Variants in TENM4 observed in about 807,000 individuals in gnomAD.
TENM4 encodes the protein teneurin-4.
Under a neutral mutation model 243.3 loss-of-function variants are expected in TENM4, and 82 were observed. That is an observed-to-expected ratio of 0.34 (90% CI 0.28 to 0.40). The LOEUF (loss-of-function observed/expected upper bound fraction) is 0.40, where lower values mean the gene tolerates loss of function less well. Ranked by LOEUF, TENM4 falls within the 10% of genes least tolerant of loss-of-function variation. The pLI, the probability that TENM4 is intolerant of heterozygous loss-of-function variation, is 1.00. For missense variants in TENM4, 3,138 were observed against 3,673.3 expected, an observed-to-expected ratio of 0.85 and a Z score of 3.77; for synonymous variants, 1,412 against 1,456.3, an observed-to-expected ratio of 0.97 and a Z score of 0.69.
At chr11:79,160,252 G>C (rs1275699886) in intron 3 of TENM4, among the ~76,000 whole-genome samples, 1 of 152,146 alleles carries the variant, frequency 6.6e-6, no homozygotes, top group African/African-American at 2.4e-5. Flanking sequence ...CTGGTGTGCA[G>C]GGGATATGCT....
intron 32 of TENM4, among the ~76,000 whole-genome samples, chr11:78,666,368 C>T (rs543468173): frequency 5.3e-4 from 81 of 152,254 alleles, no homozygotes; most frequent in African/African-American, 1.8e-3. Flanking sequence ...CTTTTGTCTT[C>T]GTGTTTTATT....
intron 27 of TENM4, among the ~76,000 whole-genome samples, chr11:78,706,888 C>T (rs1387600814): frequency 6.6e-6 from 1 of 152,168 alleles, no homozygotes; most frequent in Non-Finnish European, 1.5e-5. Flanking sequence ...ACTCACTAGC[C>T]AGCAAGGGTA....
Position 78,925,827 on chromosome 11 carries a change from C to T in TENM4, c.494-22304G>A, listed in dbSNP as rs1856540386. 2.0e-5 allele frequency among the ~76,000 whole-genome samples: 3 copies of T among 151,348 alleles called. No individual in the cohort carries two copies. The South Asian group carries it at 6.3e-4, about 32-fold the overall frequency. On this transcript the variant is annotated intron_variant, in intron 6 of 33. Coordinates refer to ENST00000278550, the MANE Select transcript of TENM4 (RefSeq NM_001098816.3). Reference sequence around the variant, plus strand: ...AGGATCCTGTCCCAGCTACACTGAACCACTTAAAATTTCTCCAATAAGGCA... The same window carrying T: ...AGGATCCTGTCCCAGCTACACTGAATCACTTAAAATTTCTCCAATAAGGCA...
chr11:79,229,664 T>A (rs1472232604), intron 2 of TENM4, among the ~76,000 whole-genome samples: 1 of 152,196 alleles, frequency 6.6e-6, no homozygotes, highest in East Asian at 1.9e-4. Context: ...ACATTGTATG[T>A]TCATTAACTT....
At position 79,085,378 on chromosome 11, in the gene TENM4, A is replaced by AAG. The variant is rs1565197266; in HGVS notation, c.-65-15370_-65-15369insCT. 2.2e-4 allele frequency among the ~76,000 whole-genome samples: 14 copies of AAG among 62,664 alleles called. 1 individual carries two copies. Among genetic ancestry groups the AAG allele is most frequent in the African/African-American group, 7.6e-4 (14 of 18,474 alleles). The allele number at this position is 62,664 out of a possible 152,430, so 41.1% of individuals were successfully genotyped here. ...GGCGAAAGAGCGAGACTCTGTCTCA[A>AAG]AAAAAAAAAAGGGGGGTTTTTTTTT... is the stretch of plus-strand genomic sequence containing the variant. On this transcript the variant is annotated intron_variant, in intron 4 of 33. Coordinates refer to ENST00000278550, the MANE Select transcript of TENM4 (RefSeq NM_001098816.3).
rs149037795 is a variant in TENM4, at chr11:78,917,924, A to G, written c.494-14401T>C. On this transcript the variant is annotated intron_variant, in intron 6 of 33. Transcript: ENST00000278550. ...TAGAGACATTAGTCATAGGGTTGCC[A>G]TGAGGATTCATGTAAAGTGCTAAGA... Among the ~76,000 whole-genome samples, 435 of 152,324 alleles carry G rather than the reference A, an allele frequency of 2.9e-3. 3 individuals carry two copies. The highest frequency in any genetic ancestry group is 9.1e-3 in the African/African-American group (379 of 41,572).
chr11:78,968,891 A>G (rs1422293191), intron 6 of TENM4, among the ~76,000 whole-genome samples: 1 of 152,242 alleles, frequency 6.6e-6, no homozygotes, highest in African/African-American at 2.4e-5. Context: ...CTATCAGGGA[A>G]ACACAGCTAA....
intron 1 of TENM4, among the ~76,000 whole-genome samples, chr11:79,364,379 T>C (rs1263703815): frequency 1.4e-4 from 22 of 152,126 alleles, no homozygotes; most frequent in Admixed American, 1.4e-3. Flanking sequence ...TCTCCTCTTG[T>C]TCCCTCATAA....
intron 3 of TENM4, among the ~76,000 whole-genome samples, chr11:79,181,120 C>G (rs1369012531): frequency 6.6e-6 from 1 of 152,046 alleles, no homozygotes; most frequent in Non-Finnish European, 1.5e-5. Context: ...AATGACAAAA[C>G]CAGCAAAGAC....
At chr11:79,407,628 T>A (rs964286798) in intron 1 of TENM4, among the ~76,000 whole-genome samples, 1 of 152,224 alleles carries the variant, frequency 6.6e-6, no homozygotes, top group Non-Finnish European at 1.5e-5. Context: ...GTAAAAGACA[T>A]GCTTTCTAGA....
intron 30 of TENM4, among the ~76,000 whole-genome samples, chr11:78,675,936 C>T (rs1858456809): frequency 6.6e-6 from 1 of 152,172 alleles, no homozygotes; most frequent in Admixed American, 6.5e-5. Context: ...GGAAATTCAA[C>T]TCAGACCTGT....
At chr11:78,892,934 CT>C (rs1313663579) in intron 7 of TENM4, among the ~76,000 whole-genome samples, 3 of 152,246 alleles carry the variant, frequency 2.0e-5, no homozygotes, top group Admixed American at 6.5e-5. Flanking sequence ...GCTACTGCCC[CT>C]GGTCAGCCTC....
intron 15 of TENM4, among the ~76,000 whole-genome samples, chr11:78,790,074 A>G (rs1223796838): frequency 6.6e-6 from 1 of 152,258 alleles, no homozygotes; most frequent in African/African-American, 2.4e-5. Flanking sequence ...CATGCCTACT[A>G]TATGCCAGAG....
chr11:78,888,146 T>C (rs1247997888), intron 9 of TENM4, among the ~76,000 whole-genome samples: 1 of 152,222 alleles, frequency 6.6e-6, no homozygotes, highest in Non-Finnish European at 1.5e-5. Flanking sequence ...AGTCTGGCTG[T>C]TTCATTTATA....
intron 1 of TENM4, among the ~76,000 whole-genome samples, chr11:79,348,533 C>T (rs1857366252): frequency 6.6e-6 from 1 of 152,204 alleles, no homozygotes; most frequent in Non-Finnish European, 1.5e-5. Context: ...TTAACCCCCA[C>T]TGTGATGGTA....
chr11:79,243,181 A>C (rs2135285664), intron 2 of TENM4, among the ~76,000 whole-genome samples: 1 of 151,602 alleles, frequency 6.6e-6, no homozygotes, highest in East Asian at 1.9e-4. Context: ...AATTCATGAC[A>C]CGGTAGGAGG....
At chr11:79,432,286 G>A (rs781347022) in intron 1 of TENM4, among the ~76,000 whole-genome samples, 10 of 152,122 alleles carry the variant, frequency 6.6e-5, no homozygotes, top group East Asian at 1.9e-4. Context: ...CCAATGCAAC[G>A]TGAATGCTAT....
chr11:79,268,429 ACTT>A (rs995675249), intron 2 of TENM4, among the ~76,000 whole-genome samples: 1 of 152,212 alleles, frequency 6.6e-6, no homozygotes, highest in Admixed American at 6.5e-5. Context: ...TGGACAAGTC[ACTT>A]CTTCTCTTTA....
At chr11:78,686,165 C>T (rs1297193418) in intron 29 of TENM4, among the ~76,000 whole-genome samples, 6 of 152,136 alleles carry the variant, frequency 3.9e-5, no homozygotes, top group Non-Finnish European at 2.9e-5. Flanking sequence ...AGAGACAGGC[C>T]TTGCTGGGTC....
Sources: gnomAD v4.1 joint callset for allele counts (sites outside exome capture counted in the v4.1 genomes callset) on GRCh38, gnomAD v4.1.1 for gene constraint, MANE v1.5 for transcripts, NCBI Gene and HGNC (gene_info 2026-07-23, HGNC 2026-07-21) for gene names.